Variants in CHRM2 observed in about 807,000 individuals in gnomAD.
CHRM2 encodes the protein cholinergic receptor muscarinic 2.
A neutral mutation model predicts 25.0 loss-of-function variants in CHRM2; 8 were observed. The ratio of observed to expected loss-of-function variants is 0.32; its 90% confidence interval spans 0.19 to 0.58. CHRM2 has a LOEUF of 0.58. CHRM2 is among the 20% of genes least tolerant of loss of function. CHRM2 has a pLI of 0.88. For missense variants in CHRM2, 440 were observed against 567.1 expected, an observed-to-expected ratio of 0.78 and a Z score of 2.28; for synonymous variants, 202 against 205.7, an observed-to-expected ratio of 0.98 and a Z score of 0.15.
At chr7:137,005,661 T>C (rs1156267216) in intron 3 of CHRM2, among the ~76,000 whole-genome samples, 10 of 152,196 alleles carry the variant, frequency 6.6e-5, no homozygotes, top group East Asian at 3.9e-4. Context: ...AATGGGCACA[T>C]AGACCATTGA....
At chr7:137,002,300 T>A (rs1804097212) in intron 3 of CHRM2, among the ~76,000 whole-genome samples, 1 of 152,204 alleles carries the variant, frequency 6.6e-6, no homozygotes, top group South Asian at 2.1e-4. Context: ...TATTTATAGA[T>A]CATGCTCTAA....
At chr7:137,005,938 A>C (rs560136923) in intron 3 of CHRM2, among the ~76,000 whole-genome samples, 77 of 152,250 alleles carry the variant, frequency 5.1e-4, no homozygotes, top group African/African-American at 1.4e-3. Context: ...AGATTGATTC[A>C]AATACAGCTG....
chr7:136,906,135 T>TAAAAC, intron 2 of CHRM2, among the ~76,000 whole-genome samples: 1 of 150,738 alleles, frequency 6.6e-6, no homozygotes, highest in Admixed American at 6.6e-5. Context: ...ACACACGTTT[T>TAAAAC]GTGTGTATAT....
intron 3 of CHRM2, among the ~76,000 whole-genome samples, chr7:137,008,065 C>T (rs926072931): frequency 6.6e-6 from 1 of 151,984 alleles, no homozygotes. Flanking sequence ...GGTCATCTCT[C>T]CTATGTCAGA....
At chr7:136,920,053 A>G (rs113250364) in intron 2 of CHRM2, among the ~76,000 whole-genome samples, 4 of 151,832 alleles carry the variant, frequency 2.6e-5, no homozygotes, top group African/African-American at 9.7e-5. Flanking sequence ...GGGATGCAGA[A>G]ATATGGTGAC....
chr7:136,987,125 C>G (rs1434900786), intron 2 of CHRM2, among the ~76,000 whole-genome samples: 1 of 140,170 alleles, frequency 7.1e-6, no homozygotes, highest in Non-Finnish European at 1.7e-5. Context: ...TTTTATTTCT[C>G]TTTCTTTTTC....
intron 3 of CHRM2, among the ~76,000 whole-genome samples, chr7:136,994,521 C>CTTTTTTTTTTTTTTTTTTTTT (rs757243972): frequency 1.4e-5 from 1 of 71,372 alleles, no homozygotes; most frequent in Non-Finnish European, 2.8e-5. Flanking sequence ...TTTTTCTTTT[C>CTTTTTTTTTTTTTTTTTTTTT]TTTTTTTTTT....
chr7:137,011,818 AG>A (rs1804846584), intron 3 of CHRM2, among the ~76,000 whole-genome samples: 1 of 152,078 alleles, frequency 6.6e-6, no homozygotes, highest in Non-Finnish European at 1.5e-5. Context: ...AACATGATGC[AG>A]GCCAATGTGA....
intron 2 of CHRM2, among the ~76,000 whole-genome samples, chr7:136,949,459 T>TAAAAAAAAAAAAAA (rs386411435): frequency 9.9e-5 from 12 of 120,828 alleles, no homozygotes; most frequent in African/African-American, 4.0e-4. Context: ...TCTGCAAAAC[T>TAAAAAAAAAAAAAA]AAAAAAAAAA....
At chr7:136,971,634 A>T (rs187674743) in intron 2 of CHRM2, among the ~76,000 whole-genome samples, 2 of 151,086 alleles carry the variant, frequency 1.3e-5, no homozygotes, top group Non-Finnish European at 2.9e-5. Flanking sequence ...AAAAAAAAAA[A>T]AAAGACTTGC....
At chr7:136,957,616 A>G (rs187700210) in intron 2 of CHRM2, among the ~76,000 whole-genome samples, 21 of 152,328 alleles carry the variant, frequency 1.4e-4, no homozygotes, top group Admixed American at 3.9e-4. Flanking sequence ...ATGGGATGAC[A>G]TGTATCTGAA....
At chr7:137,006,956 A>T (rs1804477091) in intron 3 of CHRM2, among the ~76,000 whole-genome samples, 2 of 152,112 alleles carry the variant, frequency 1.3e-5, no homozygotes, top group South Asian at 4.1e-4. Flanking sequence ...TGTCAGGCTC[A>T]ATGTACTGAA....
intron 2 of CHRM2, among the ~76,000 whole-genome samples, chr7:136,930,604 A>G (rs1040882103): frequency 4.2e-5 from 6 of 142,498 alleles, no homozygotes; most frequent in Non-Finnish European, 9.3e-5. Flanking sequence ...AAAAAAAAAA[A>G]TGGATAGAAA....
intron 2 of CHRM2, among the ~76,000 whole-genome samples, chr7:136,949,715 A>G (rs1800285001): frequency 6.7e-6 from 1 of 148,568 alleles, no homozygotes; most frequent in Non-Finnish European, 1.5e-5. Context: ...AAGTAGCAAT[A>G]ACATCAACTT....
intron 3 of CHRM2, among the ~76,000 whole-genome samples, chr7:136,995,358 T>C (rs1246769265): frequency 1.3e-5 from 2 of 152,132 alleles, no homozygotes; most frequent in African/African-American, 2.4e-5. Flanking sequence ...ACCGAAAAAT[T>C]ACAACACATC....
At chr7:136,991,957 C>A (rs908433612) in intron 2 of CHRM2, among the ~76,000 whole-genome samples, 3 of 152,114 alleles carry the variant, frequency 2.0e-5, no homozygotes, top group African/African-American at 7.2e-5. Context: ...TGATTCTATT[C>A]TCAGGCCTAA....
At chr7:136,999,168 T>C (rs1486333163) in intron 3 of CHRM2, among the ~76,000 whole-genome samples, 2 of 152,122 alleles carry the variant, frequency 1.3e-5, no homozygotes, top group Non-Finnish European at 2.9e-5. Flanking sequence ...TGGAAATCAG[T>C]TGAGTCATCA....
intron 2 of CHRM2, among the ~76,000 whole-genome samples, chr7:136,926,453 G>A (rs1314515001): frequency 6.6e-6 from 1 of 152,126 alleles, no homozygotes; most frequent in Non-Finnish European, 1.5e-5. Flanking sequence ...TCCCAGTGTG[G>A]AAATCCATGC....
intron 2 of CHRM2, among the ~76,000 whole-genome samples, chr7:136,875,023 AAT>A (rs10573438): frequency 0.21 from 31,353 of 147,738 alleles, 3,798 homozygotes; most frequent in African/African-American, 0.33. Flanking sequence ...TTTCTTGCTG[AAT>A]ATATATATAT....
Sources: gnomAD v4.1 joint callset for allele counts (sites outside exome capture counted in the v4.1 genomes callset) on GRCh38, gnomAD v4.1.1 for gene constraint, MANE v1.5 for transcripts, NCBI Gene and HGNC (gene_info 2026-07-23, HGNC 2026-07-21) for gene names.